Variants in CCDC122 observed in about 807,000 individuals in gnomAD.
CCDC122 encodes coiled-coil domain-containing protein 122.
CCDC122 carries 38 observed loss-of-function variants against 37.0 expected under a neutral mutation model. That is an observed-to-expected ratio of 1.03 (90% CI 0.79 to 1.35). The LOEUF is 1.35. CCDC122 is among the 40% of genes most tolerant of loss of function. The pLI, the probability that CCDC122 is intolerant of heterozygous loss-of-function variation, is 0.00. For missense variants in CCDC122, 305 were observed against 310.0 expected, an observed-to-expected ratio of 0.98 and a Z score of 0.12; for synonymous variants, 83 against 95.6, an observed-to-expected ratio of 0.87 and a Z score of 0.77.
At chr13:43,844,403 AAT>A (rs1953449383) in intron 6 of CCDC122, among the ~76,000 whole-genome samples, 1 of 151,992 alleles carries the variant, frequency 6.6e-6, no homozygotes, top group Admixed American at 6.6e-5. Context: ...TCAACTTTGA[AAT>A]ATGTAATCTA....
At chr13:43,829,583 G>A (rs1953069834) in intron 3 of CCDC122, among the ~76,000 whole-genome samples, 1 of 152,130 alleles carries the variant, frequency 6.6e-6, no homozygotes, top group African/African-American at 2.4e-5. Context: ...TGGGATTACA[G>A]GTGTGAGCCA....
At chr13:43,859,017 T>C (rs1048584278) in intron 5 of CCDC122, 120 bp from the exon 6 acceptor site, 22 of 778,494 alleles carry the variant, frequency 2.8e-5, no homozygotes, top group South Asian at 1.2e-4. Context: ...TTTTGATAAA[T>C]AGCATTAGAA....
At chr13:43,823,265 C>T (rs1247509776), downstream of CCDC122, among the ~76,000 whole-genome samples, 6 of 152,076 alleles carry the variant, frequency 3.9e-5, no homozygotes, top group African/African-American at 1.4e-4. Flanking sequence ...AGAGGGGCCT[C>T]ATGACTCTGC....
intron 6 of CCDC122, chr13:43,849,064 G>A (rs1953639144): frequency 1.1e-6 from 1 of 909,896 alleles, no homozygotes; most frequent in Middle Eastern, 5.6e-4. Flanking sequence ...GACTATATTG[G>A]TCCTTCAGCT....
intron 3 of CCDC122, among the ~76,000 whole-genome samples, chr13:43,827,960 A>G (rs577433148): frequency 6.6e-6 from 1 of 152,278 alleles, no homozygotes; most frequent in African/African-American, 2.4e-5. Context: ...ATGCTTAGAG[A>G]AGAGTTAGAA....
chr13:43,850,065 T>G (rs893551039), intron 6 of CCDC122, among the ~76,000 whole-genome samples: 12 of 152,166 alleles, frequency 7.9e-5, no homozygotes, highest in African/African-American at 2.7e-4. Flanking sequence ...GCAGTGTCAC[T>G]GGAGGCCATG....
intron 6 of CCDC122, among the ~76,000 whole-genome samples, chr13:43,845,258 A>T (rs1193102702): frequency 6.6e-6 from 1 of 152,214 alleles, no homozygotes; most frequent in Admixed American, 6.5e-5. Context: ...GCTATTCTTG[A>T]TATATATCTT....
At chr13:43,863,854 A>G (rs73465551) in intron 4 of CCDC122, among the ~76,000 whole-genome samples, 7,498 of 152,316 alleles carry the variant, frequency 0.049, 378 homozygotes, top group African/African-American at 0.12. Flanking sequence ...TTGAAGAGCA[A>G]GTTTAAAAAT....
At chr13:43,859,520 T>C (rs1954036319) in intron 5 of CCDC122, 152 bp downstream of exon 5, 1 of 556,570 alleles carries the variant, frequency 1.8e-6, no homozygotes, top group South Asian at 4.4e-5. Context: ...ATGTACTTAT[T>C]CCAAGTTTTT....
chr13:43,849,997 G>T (rs1953671254), intron 6 of CCDC122, among the ~76,000 whole-genome samples: 1 of 152,224 alleles, frequency 6.6e-6, no homozygotes, highest in Non-Finnish European at 1.5e-5. Context: ...CATCAAAGGA[G>T]CTCTGGTAGA....
At position 43,826,420 on chromosome 13, in the gene CCDC122, C is replaced by A. The variant is rs577811210; in HGVS notation, n.602-2409G>T. ...GTTACTGTGGTCGTTTATTTATTAGCTACCCAGTGCTTTTCCATTTTGCTA... is the reference window on the plus strand; with the variant it reads ...GTTACTGTGGTCGTTTATTTATTAGATACCCAGTGCTTTTCCATTTTGCTA... On this transcript the variant is annotated intron_variant and non_coding_transcript_variant, in intron 3 of 3. Coordinates refer to the CCDC122 transcript ENST00000470137. 7.2e-5 allele frequency among the ~76,000 whole-genome samples: 11 copies of A among 152,290 alleles called. No individual in the cohort carries two copies. The South Asian group carries it at 2.3e-3, about 32-fold the overall frequency.
chr13:43,844,944 T>C (rs562788502), intron 6 of CCDC122, among the ~76,000 whole-genome samples: 2 of 152,330 alleles, frequency 1.3e-5, no homozygotes, highest in South Asian at 4.1e-4. Flanking sequence ...TTAATTGGAA[T>C]GCTTAGCTCA....
At chr13:43,845,711 A>AAAAACAAAAC (rs59721051) in intron 6 of CCDC122, among the ~76,000 whole-genome samples, 90 of 151,100 alleles carry the variant, frequency 6.0e-4, no homozygotes, top group East Asian at 9.8e-4. Flanking sequence ...CTCCATCTCT[A>AAAAACAAAAC]AAAACAAAAC....
At chr13:43,819,871 T>A (rs1377992763), downstream of CCDC122, among the ~76,000 whole-genome samples, 4 of 152,110 alleles carry the variant, frequency 2.6e-5, no homozygotes, top group Admixed American at 2.0e-4. Context: ...AAAATGTGAT[T>A]TCTAAAAATA....
chr13:43,841,888 G>T, intron 6 of CCDC122, among the ~76,000 whole-genome samples: 1 of 151,974 alleles, frequency 6.6e-6, no homozygotes, highest in East Asian at 1.9e-4. Flanking sequence ...TTTTTTATTT[G>T]TACAGACAAG....
chr13:43,859,545 T>C, intron 5 of CCDC122, 127 bp downstream of exon 5: 1 of 680,432 alleles, frequency 1.5e-6, no homozygotes, highest in Non-Finnish European at 2.2e-6. Flanking sequence ...ATTATGAAAA[T>C]AGTTTCTGAA....
intron 3 of CCDC122, among the ~76,000 whole-genome samples, chr13:43,825,442 A>T (rs1461822720): frequency 2.0e-5 from 3 of 150,644 alleles, no homozygotes; most frequent in Non-Finnish European, 4.4e-5. Context: ...TGCTGGGTAC[A>T]CACAGACATA....
intron 4 of CCDC122, among the ~76,000 whole-genome samples, chr13:43,867,314 T>G (rs887455333): frequency 6.6e-6 from 1 of 152,178 alleles, no homozygotes; most frequent in Non-Finnish European, 1.5e-5. Flanking sequence ...TACATTACCA[T>G]CAAACTATTT....
intron 6 of CCDC122, among the ~76,000 whole-genome samples, chr13:43,841,401 G>C (rs1344682012): frequency 6.6e-6 from 1 of 152,098 alleles, no homozygotes; most frequent in Non-Finnish European, 1.5e-5. Flanking sequence ...GCAACATTTG[G>C]TATTAATATT....
Sources: allele counts gnomAD v4.1 joint callset (sites outside exome capture counted in the v4.1 genomes callset), GRCh38; gene constraint gnomAD v4.1.1; transcripts MANE v1.5; gene names NCBI Gene and HGNC (gene_info 2026-07-23, HGNC 2026-07-21).